The following FBLN1 variants were observed in gnomAD, a reference collection of about 807,000 sequenced individuals.
FBLN1 encodes fibulin 1, also known as fibulin-1.
FBLN1 carries 34 observed loss-of-function variants against 89.7 expected under a neutral mutation model. That is an observed-to-expected ratio of 0.38 (90% CI 0.29 to 0.50). The LOEUF is 0.50. FBLN1 is among the 20% of genes least tolerant of loss of function. The pLI, the probability that FBLN1 is intolerant of heterozygous loss-of-function variation, is 0.92. For synonymous variants in FBLN1, 393 were observed against 391.3 expected (o/e 1.00, Z -0.05); for missense variants, 777 against 988.1 (o/e 0.79, Z 2.86).
chr22:45,594,909 G>C (rs2089171845), intron 16 of FBLN1, among the ~76,000 whole-genome samples: 1 of 152,146 alleles, frequency 6.6e-6, no homozygotes, highest in Non-Finnish European at 1.5e-5. Context: ...TGGATGGTTG[G>C]GTTGATGGAT....
At chr22:45,534,047 G>A in intron 7 of FBLN1, 149 bp downstream of exon 7, 1 of 1,066,656 alleles carries the variant, frequency 9.4e-7, no homozygotes, top group South Asian at 1.3e-5. Flanking sequence ...GGAGGGAGGT[G>A]GTTATACCCA....
At chr22:45,592,611 A>T (rs1162087939) in intron 16 of FBLN1, among the ~76,000 whole-genome samples, 1 of 152,172 alleles carries the variant, frequency 6.6e-6, no homozygotes, top group East Asian at 1.9e-4. Context: ...GACAGGCGTG[A>T]GTCACCACGC....
chr22:45,544,222 G>A (rs556351611), intron 11 of FBLN1, among the ~76,000 whole-genome samples: 2 of 152,306 alleles, frequency 1.3e-5, no homozygotes, highest in African/African-American at 2.4e-5. Context: ...GAATAGCTGG[G>A]ATTACAGGTG....
Position 45,557,411 on chromosome 22 carries a change from C to A in FBLN1, c.1697+6796C>A, listed in dbSNP as rs5764783. ...AGGTAGCTGGCTGATCACCCCGAGG[C>A]ATGGTGCCACATCGAGGGCTCAGTG... is the stretch of plus-strand genomic sequence containing the variant. On this transcript the variant is annotated intron_variant, in intron 14 of 16. Coordinates refer to ENST00000327858, the MANE Select transcript of FBLN1 (RefSeq NM_006486.3). The surrounding 1 kb of genome is among the most constrained non-coding windows in gnomAD (Gnocchi z 4.9). 0.63 allele frequency among the ~76,000 whole-genome samples: 95,031 copies of A among 151,984 alleles called. 30,475 individuals carry two copies. Among genetic ancestry groups the A allele is most frequent in the African/African-American group, 0.79 (32,618 of 41,460 alleles).
chr22:45,581,682 C>G lies in FBLN1; in HGVS notation c.1972+4574C>G, dbSNP rs77601382. On this transcript the variant is annotated intron_variant, in intron 16 of 16. Coordinates refer to ENST00000327858, the MANE Select transcript of FBLN1 (RefSeq NM_006486.3). The surrounding 1 kb of genome is among the most constrained non-coding windows in gnomAD (Gnocchi z 7.6). Reference sequence around the variant, plus strand: ...TTGCAGGCCAGCCCCTCCTGTCGCACGGGCATGACCATGGGGCAGTCAGGG... The same window carrying G: ...TTGCAGGCCAGCCCCTCCTGTCGCAGGGGCATGACCATGGGGCAGTCAGGG... Among the ~76,000 whole-genome samples, 1 of 151,898 alleles carries G rather than the reference C, an allele frequency of 6.6e-6. No individual in the cohort carries two copies. Among genetic ancestry groups the G allele is most frequent in the Non-Finnish European group, 1.5e-5 (1 of 67,988 alleles).
chr22:45,564,767 T>C (rs2088887180), intron 14 of FBLN1: 1 of 1,239,436 alleles, frequency 8.1e-7, no homozygotes, highest in Non-Finnish European at 1.2e-6. Context: ...TTGCAAGACA[T>C]CTCGCGTGCA....
chr22:45,525,912 G>T (rs78093624), intron 3 of FBLN1, among the ~76,000 whole-genome samples: 1 of 152,234 alleles, frequency 6.6e-6, no homozygotes, highest in Non-Finnish European at 1.5e-5. Context: ...ACGAGGCCGG[G>T]GGGTGAAGTG....
chr22:45,568,844 G>T (rs1418416455), intron 14 of FBLN1, among the ~76,000 whole-genome samples: 3 of 151,880 alleles, frequency 2.0e-5, no homozygotes, highest in Non-Finnish European at 4.4e-5. Flanking sequence ...TGCCTCTTCT[G>T]TGGGAGAATG....
At chr22:45,582,973 C>T (rs4823226) in intron 16 of FBLN1, among the ~76,000 whole-genome samples, 54,506 of 152,042 alleles carry the variant, frequency 0.36, 11,641 homozygotes, top group Admixed American at 0.52. Flanking sequence ...TTGGAGACTT[C>T]GCTGGCAGTT....
intron 16 of FBLN1, among the ~76,000 whole-genome samples, chr22:45,591,264 G>A (rs1414894669): frequency 6.6e-6 from 1 of 152,164 alleles, no homozygotes; most frequent in Admixed American, 6.5e-5. Flanking sequence ...CCCACTGCCT[G>A]CGTTTGCGAT....
Position 45,531,231 on chromosome 22 carries a change from GA to G in FBLN1, c.485-33del. 6.3e-7 allele frequency: 1 copy of G among 1,598,876 alleles called. No individual in the cohort carries two copies. The highest frequency in any genetic ancestry group is 8.6e-7 in the Non-Finnish European group (1 of 1,166,096). On this transcript the variant is annotated intron_variant, in intron 4 of 16. Transcript: ENST00000327858. The surrounding 1 kb of genome is among the most constrained non-coding windows in gnomAD (Gnocchi z 4.9). ...TCTTTTAAGATAAGATGGGTGTTTGGATAAATGTCTGACTTGGTCTTTTTCC... is the reference window on the plus strand; with the variant it reads ...TCTTTTAAGATAAGATGGGTGTTTGGTAAATGTCTGACTTGGTCTTTTTCC...
chr22:45,600,253 C>G (rs550914418), intron 16 of FBLN1, 54 bp from the exon 17 acceptor site: 2 of 1,611,950 alleles, frequency 1.2e-6, no homozygotes, highest in African/African-American at 1.3e-5. Context: ...TCCCAGATCT[C>G]TACGTTGCTG....
intron 16 of FBLN1, among the ~76,000 whole-genome samples, chr22:45,584,248 C>T (rs563706779): frequency 1.3e-4 from 20 of 152,330 alleles, no homozygotes; most frequent in African/African-American, 4.6e-4. Context: ...CGCTTTCCCA[C>T]ATTGTCTGTG....
At position 45,574,448 on chromosome 22, in the gene FBLN1, G is replaced by A. The variant is rs566870262; in HGVS notation, c.1698-63G>A. The A allele has an allele frequency of 1.1e-5, 18 of 1,601,256 alleles. No homozygotes were observed. In the African/African-American group the frequency reaches 1.6e-4, roughly 14 times the overall value. On this transcript the variant is annotated intron_variant, in intron 14 of 16. Transcript: ENST00000327858. The surrounding 1 kb of genome is among the most constrained non-coding windows in gnomAD (Gnocchi z 4.1). ...CACCTGCTCCTCCTCCCTAGACCTC[G>A]GCCCCTGTGGGAGCTGCTGTCCCAG...
At position 45,545,531 on chromosome 22, in the gene FBLN1, A is replaced by G. The variant is rs2088614927; in HGVS notation, c.1322-1554A>G. 1.3e-5 allele frequency among the ~76,000 whole-genome samples: 2 copies of G among 152,208 alleles called. No homozygotes were observed. The highest frequency in any genetic ancestry group is 6.5e-5 in the Admixed American group (1 of 15,282). On this transcript the variant is annotated intron_variant, in intron 11 of 16. Transcript: ENST00000327858. The surrounding 1 kb of genome is among the most constrained non-coding windows in gnomAD (Gnocchi z 5.9). ...GGCATTCATATCCACATTAGTGGAC[A>G]ATATTGTGGATATAGAACCAGAGCC...
chr22:45,576,572 G>A lies in FBLN1; in HGVS notation c.1841-405G>A, dbSNP rs1473848116. Among the ~76,000 whole-genome samples the A allele has an allele frequency of 1.3e-5, 2 of 152,048 alleles. No homozygotes were observed. Among genetic ancestry groups the A allele is most frequent in the East Asian group, 3.9e-4 (2 of 5,174 alleles). ...CCGCTCAGGGTGGCCCCCCTGACCTGTGGCACTATAGATGGGAGAGGAGCC... is the reference window on the plus strand; with the variant it reads ...CCGCTCAGGGTGGCCCCCCTGACCTATGGCACTATAGATGGGAGAGGAGCC... On this transcript the variant is annotated intron_variant, in intron 15 of 16. Coordinates refer to ENST00000327858, the MANE Select transcript of FBLN1 (RefSeq NM_006486.3). The surrounding 1 kb of genome is among the most constrained non-coding windows in gnomAD (Gnocchi z 5.2).
chr22:45,537,779 C>T lies in FBLN1; in HGVS notation c.922+2442C>T, dbSNP rs954302799. ...GCTGTGGCTCAGCTGCCAGTTGGCC[C>T]CTCGCCAGTCCCTTGCCAGCAGGGA... On this transcript the variant is annotated intron_variant, in intron 8 of 16. Coordinates refer to ENST00000327858, the MANE Select transcript of FBLN1 (RefSeq NM_006486.3). This position sits in a 1 kb window ranked among gnomAD's most constrained non-coding sequence, Gnocchi z 5.7. Among the ~76,000 whole-genome samples the T allele has an allele frequency of 5.3e-5, 8 of 152,204 alleles. No homozygotes were observed. The highest frequency in any genetic ancestry group is 1.9e-4 in the African/African-American group (8 of 41,466).
chr22:45,543,599 C>A (rs771770589), intron 11 of FBLN1, 73 bp downstream of exon 11: 3 of 1,558,026 alleles, frequency 1.9e-6, no homozygotes, highest in African/African-American at 2.7e-5. Context: ...TTCTGCAGAC[C>A]GGTTTGCAGC....
chr22:45,600,208 CCTT>C lies in FBLN1; in HGVS notation c.1973-96_1973-94del, dbSNP rs2089219446. The C allele has an allele frequency of 1.9e-5, 28 of 1,452,408 alleles. No homozygotes were observed. In the South Asian group the frequency reaches 3.1e-4, roughly 16 times the overall value. The allele number at this position is 1,452,408 out of a possible 1,614,324, so 90.0% of individuals were successfully genotyped here. On this transcript the variant is annotated intron_variant, in intron 16 of 16. Transcript: ENST00000327858. The stretch of plus-strand genomic sequence containing the variant: ...ATGGGACTCCATGAGGTCTATGCCT[CCTT>C]CTAGCTCTGAAACTCCTCAAGGGAA...
Sources: allele counts gnomAD v4.1 joint callset (sites outside exome capture counted in the v4.1 genomes callset), GRCh38; gene constraint gnomAD v4.1.1; non-coding constraint Gnocchi (gnomAD v3.1); transcripts MANE v1.5; gene names NCBI Gene and HGNC (gene_info 2026-07-23, HGNC 2026-07-21).